ASAP1: variants seen among roughly 807,000 people sequenced by gnomAD.
ASAP1 encodes the protein arf-GAP with SH3 domain, ANK repeat and PH domain-containing protein 1.
ASAP1 carries 43 observed loss-of-function variants against 145.2 expected under a neutral mutation model. That is an observed-to-expected ratio of 0.30 (90% CI 0.23 to 0.38). ASAP1 has a LOEUF of 0.38. Ranked by LOEUF, ASAP1 falls within the 10% of genes least tolerant of loss-of-function variation. The pLI is 1.00. For synonymous variants in ASAP1, 546 were observed against 515.5 expected (o/e 1.06, Z -0.80); for missense variants, 1,018 against 1,355.3 (o/e 0.75, Z 3.91).
intron 16 of ASAP1, among the ~76,000 whole-genome samples, chr8:130,127,227 T>C (rs909325969): frequency 1.3e-5 from 2 of 152,152 alleles, no homozygotes; most frequent in Non-Finnish European, 2.9e-5. Context: ...ATTTCTTTTT[T>C]CTTTTTTTTG....
At chr8:130,288,784 T>A (rs1815642) in intron 3 of ASAP1, among the ~76,000 whole-genome samples, 3,008 of 152,294 alleles carry the variant, frequency 0.02, 50 homozygotes, top group Non-Finnish European at 0.033. Flanking sequence ...GCATTACTTA[T>A]AGAAGGAAAG....
intron 3 of ASAP1, among the ~76,000 whole-genome samples, chr8:130,288,152 T>C (rs1210258341): frequency 6.6e-6 from 1 of 152,160 alleles, no homozygotes; most frequent in Non-Finnish European, 1.5e-5. Context: ...TTAATGCAAA[T>C]ATGGGAAGCT....
At chr8:130,207,116 C>A (rs1420319976) in intron 5 of ASAP1, among the ~76,000 whole-genome samples, 2 of 152,026 alleles carry the variant, frequency 1.3e-5, no homozygotes, top group Non-Finnish European at 2.9e-5. Context: ...AAGAAAGCTG[C>A]ATTGCAAAGA....
intron 2 of ASAP1, among the ~76,000 whole-genome samples, chr8:130,368,771 G>C (rs1485500262): frequency 6.6e-6 from 1 of 152,252 alleles, no homozygotes; most frequent in East Asian, 1.9e-4. Flanking sequence ...GATGGCAAGA[G>C]ATGCGGGAGA....
At chr8:130,157,012 T>C (rs1344967210) in intron 12 of ASAP1, among the ~76,000 whole-genome samples, 2 of 152,212 alleles carry the variant, frequency 1.3e-5, no homozygotes, top group Non-Finnish European at 2.9e-5. Context: ...AATAGATATG[T>C]AATAGTACAT....
chr8:130,165,144 A>T (rs762630956), intron 11 of ASAP1, among the ~76,000 whole-genome samples: 32 of 152,208 alleles, frequency 2.1e-4, no homozygotes, highest in Non-Finnish European at 4.1e-4. Flanking sequence ...TCATGTACAC[A>T]TTCCTTTGGC....
intron 3 of ASAP1, among the ~76,000 whole-genome samples, chr8:130,321,858 A>G (rs1189892756): frequency 6.6e-6 from 1 of 152,234 alleles, no homozygotes; most frequent in African/African-American, 2.4e-5. Context: ...GCTCTTAATA[A>G]TCATATAATT....
At chr8:130,061,434 T>A (rs2097419342) in intron 27 of ASAP1, among the ~76,000 whole-genome samples, 2 of 152,246 alleles carry the variant, frequency 1.3e-5, no homozygotes, top group South Asian at 4.1e-4. Context: ...TTTTCCTATA[T>A]ATTTTCTATA....
At chr8:130,069,198 A>T (rs2097436612) in intron 27 of ASAP1, among the ~76,000 whole-genome samples, 1 of 152,222 alleles carries the variant, frequency 6.6e-6, no homozygotes, top group East Asian at 1.9e-4. Context: ...GGTTATTAAG[A>T]AATGGAATGA....
At chr8:130,435,845 T>C (rs1830293161) in intron 1 of ASAP1, among the ~76,000 whole-genome samples, 1 of 152,198 alleles carries the variant, frequency 6.6e-6, no homozygotes, top group African/African-American at 2.4e-5. Flanking sequence ...GGTGTGACTG[T>C]GGAATCCACC....
chr8:130,181,522 A>G (rs1814356812), intron 7 of ASAP1, among the ~76,000 whole-genome samples: 1 of 152,244 alleles, frequency 6.6e-6, no homozygotes, highest in Admixed American at 6.5e-5. Flanking sequence ...AATTTAGTCA[A>G]AGGTAATTTC....
chr8:130,223,535 T>G (rs1817416560), intron 4 of ASAP1, among the ~76,000 whole-genome samples: 1 of 152,228 alleles, frequency 6.6e-6, no homozygotes, highest in Non-Finnish European at 1.5e-5. Context: ...ATAAGATGAC[T>G]GTGGATCAAA....
intron 3 of ASAP1, among the ~76,000 whole-genome samples, chr8:130,265,528 G>A (rs1820188344): frequency 6.6e-6 from 1 of 151,256 alleles, no homozygotes; most frequent in Non-Finnish European, 1.5e-5. Context: ...AGCTATGATG[G>A]TGCCACTGCA....
chr8:130,397,494 T>C (rs1244994364), intron 2 of ASAP1, among the ~76,000 whole-genome samples: 3 of 152,216 alleles, frequency 2.0e-5, no homozygotes, highest in Non-Finnish European at 2.9e-5. Context: ...ATAAGTGAAG[T>C]CTCTGCTCCT....
At chr8:130,076,864 G>A (rs554246955) in intron 26 of ASAP1, among the ~76,000 whole-genome samples, 1 of 152,046 alleles carries the variant, frequency 6.6e-6, no homozygotes, top group Non-Finnish European at 1.5e-5. Flanking sequence ...CCATATTTCA[G>A]TTTGCCTGGC....
intron 3 of ASAP1, among the ~76,000 whole-genome samples, chr8:130,346,641 GTTCGCAGA>G (rs1360556596): frequency 6.6e-6 from 1 of 152,204 alleles, no homozygotes; most frequent in African/African-American, 2.4e-5. Context: ...TAACAGCAAT[GTTCGCAGA>G]TTCTGAATTT....
chr8:130,361,374 T>C (rs1017569878), intron 2 of ASAP1, among the ~76,000 whole-genome samples: 3 of 152,186 alleles, frequency 2.0e-5, no homozygotes, highest in Admixed American at 2.0e-4. Flanking sequence ...AGCCGACTTG[T>C]GTATACAGTC....
intron 1 of ASAP1, among the ~76,000 whole-genome samples, chr8:130,440,605 A>C (rs1830458507): frequency 6.6e-6 from 1 of 151,860 alleles, no homozygotes; most frequent in Non-Finnish European, 1.5e-5. Flanking sequence ...AGCATGGCTT[A>C]GAATCGGCTG....
Position 130,294,783 on chromosome 8 carries a change from C to G in ASAP1, c.187-57789G>C, listed in dbSNP as rs562057255. On this transcript the variant is annotated intron_variant, in intron 3 of 29. Coordinates refer to ENST00000518721, the MANE Select transcript of ASAP1 (RefSeq NM_018482.4). ...GCCAATTCTAGCAGCCATTTAAAGT[C>G]ACAGTCCAATTACTGAGGCAAATTA... 1.3e-4 allele frequency among the ~76,000 whole-genome samples: 20 copies of G among 152,324 alleles called. No homozygotes were observed. The East Asian group carries it at 3.1e-3, about 23-fold the overall frequency.
Sources: allele counts gnomAD v4.1 joint callset (sites outside exome capture counted in the v4.1 genomes callset), GRCh38; gene constraint gnomAD v4.1.1; transcripts MANE v1.5; gene names NCBI Gene and HGNC (gene_info 2026-07-23, HGNC 2026-07-21).